Variants in DNAH6 observed in about 807,000 individuals in gnomAD.
DNAH6 encodes the protein dynein axonemal heavy chain 6.
Under a neutral mutation model 491.4 loss-of-function variants are expected in DNAH6, and 340 were observed. The observed-to-expected ratio is 0.69, with a 90% CI of 0.63 to 0.76. The LOEUF is 0.76. Ranked by LOEUF, DNAH6 falls within the 30% of genes least tolerant of loss-of-function variation. The pLI is 0.00. For synonymous variants in DNAH6, 1,603 were observed against 1,686.1 expected, an observed-to-expected ratio of 0.95 and a Z score of 1.21; for missense variants, 4,443 against 4,972.2, an observed-to-expected ratio of 0.89 and a Z score of 3.20.
intron 11 of DNAH6, among the ~76,000 whole-genome samples, chr2:84,566,314 TG>T (rs1681188440): frequency 6.6e-6 from 1 of 152,002 alleles, no homozygotes; most frequent in African/African-American, 2.4e-5. Context: ...TCTAGAATAT[TG>T]AAAATGCCTG....
chr2:84,784,456 G>A (rs1255680464), intron 65 of DNAH6, among the ~76,000 whole-genome samples: 4 of 152,144 alleles, frequency 2.6e-5, no homozygotes, highest in Non-Finnish European at 5.9e-5. Context: ...AGTTCAGCAA[G>A]TATTAAAAAT....
intron 2 of DNAH6, among the ~76,000 whole-genome samples, chr2:84,519,954 T>G (rs542470300): frequency 6.6e-6 from 1 of 152,186 alleles, no homozygotes; most frequent in African/African-American, 2.4e-5. Context: ...TACAATACTC[T>G]CCATCTAGCT....
At chr2:84,508,275 T>G in the DNAH6 span, among the ~76,000 whole-genome samples, 1 of 152,232 alleles carries the variant, frequency 6.6e-6, no homozygotes, top group Non-Finnish European at 1.5e-5. Context: ...GAGATTCAAC[T>G]TCCTCCAGGT....
chr2:84,723,640 A>G (rs1698379371), intron 60 of DNAH6, among the ~76,000 whole-genome samples: 1 of 152,186 alleles, frequency 6.6e-6, no homozygotes, highest in Non-Finnish European at 1.5e-5. Context: ...CAAACCTTTT[A>G]TGCAACAACC....
chr2:84,574,037 G>A (rs1038689281), intron 12 of DNAH6, among the ~76,000 whole-genome samples: 6 of 152,138 alleles, frequency 3.9e-5, no homozygotes, highest in African/African-American at 1.4e-4. Context: ...TAAGACCTAG[G>A]AGAAAACTGT....
intron 22 of DNAH6, among the ~76,000 whole-genome samples, chr2:84,615,675 A>T (rs898830717): frequency 6.6e-6 from 1 of 151,922 alleles, no homozygotes; most frequent in Non-Finnish European, 1.5e-5. Context: ...TGAACATAGG[A>T]TGTGTTTCCA....
intron 38 of DNAH6, among the ~76,000 whole-genome samples, chr2:84,670,120 T>G (rs1346407334): frequency 6.6e-6 from 1 of 152,230 alleles, no homozygotes; most frequent in Non-Finnish European, 1.5e-5. Context: ...AAATTAAAAC[T>G]TTTTGCTAAG....
rs376004002 is a variant in DNAH6 at position 84,548,417 on chromosome 2, G to C, written c.1316G>C (p.Cys439Ser). Reference sequence around the variant, plus strand: ...AGGCATTATTGCATGAGGCTGACGTGGTAAGATTATTCTCATTTTCAAGAA... The same window carrying C: ...AGGCATTATTGCATGAGGCTGACGTCGTAAGATTATTCTCATTTTCAAGAA... ...SKRHYCMRLT[C>S]FIRLNDYLIE... The change falls in exon 8 of 77, where the codon TGC (cysteine) becomes TCC (serine). Residue 439 changes from cysteine (C) to serine (S), a missense_variant and splice_region_variant. Cys to Ser is a moderately radical substitution (Grantham distance 112). Coordinates refer to ENST00000389394, the MANE Select transcript of DNAH6 (RefSeq NM_001370.2). 33 of 1,613,032 alleles carry C rather than the reference G, an allele frequency of 2.0e-5. No homozygotes were observed. The highest frequency in any genetic ancestry group is 2.7e-5 in the Non-Finnish European group (32 of 1,179,810).
Position 84,745,992 on chromosome 2 carries a change from G to A in DNAH6, c.10512+743G>A, listed in dbSNP as rs146768395. 6.6e-5 allele frequency among the ~76,000 whole-genome samples: 10 copies of A among 152,228 alleles called. No individual in the cohort carries two copies. In the East Asian group the frequency reaches 1.9e-3, roughly 29 times the overall value. ...TAGTAGATTAGAGAGATGAAGGGGG[G>A]CATGGAGATGAGGCAACTGATATGG... On this transcript the variant is annotated intron_variant, in intron 63 of 76. Coordinates refer to ENST00000389394, the MANE Select transcript of DNAH6 (RefSeq NM_001370.2).
chr2:84,725,353 G>T (rs1174741378), intron 60 of DNAH6, among the ~76,000 whole-genome samples: 1 of 152,170 alleles, frequency 6.6e-6, no homozygotes, highest in Non-Finnish European at 1.5e-5. Context: ...AAGTTGTTTA[G>T]ATAGGCCTGG....
chr2:84,461,287 T>C, the DNAH6 span, among the ~76,000 whole-genome samples: 1 of 152,248 alleles, frequency 6.6e-6, no homozygotes, highest in Non-Finnish European at 1.5e-5. Flanking sequence ...GGTCTGATGA[T>C]AATTTCCAGG....
At chr2:84,594,309 G>A (rs934796454) in intron 17 of DNAH6, among the ~76,000 whole-genome samples, 10 of 152,242 alleles carry the variant, frequency 6.6e-5, no homozygotes, top group African/African-American at 1.9e-4. Context: ...GCTACATAGT[G>A]GAAGCATCAA....
intron 62 of DNAH6, among the ~76,000 whole-genome samples, chr2:84,736,938 C>G (rs969559820): frequency 1.3e-5 from 2 of 152,058 alleles, no homozygotes; most frequent in African/African-American, 4.8e-5. Context: ...CAGCTATTGT[C>G]CTTTCAGTAT....
At chr2:84,617,939 C>T (rs1052959000) in intron 23 of DNAH6, among the ~76,000 whole-genome samples, 9 of 152,020 alleles carry the variant, frequency 5.9e-5, no homozygotes, top group Non-Finnish European at 1.2e-4. Context: ...ACTTTCATAC[C>T]CTCAAGTGAG....
In DNAH6 at chr2:84,671,642, C is replaced by T. The variant is rs554105684; in HGVS notation, c.6455-685C>T. On this transcript the variant is annotated intron_variant, in intron 39 of 76. Coordinates refer to ENST00000389394, the MANE Select transcript of DNAH6 (RefSeq NM_001370.2). ...AGGTTTATCTTAGACCCCTTCCTTACCCCCCACCCCTTCCTGCTGCTTGGC... is the reference window on the plus strand; with the variant it reads ...AGGTTTATCTTAGACCCCTTCCTTATCCCCCACCCCTTCCTGCTGCTTGGC... Among the ~76,000 whole-genome samples the T allele has an allele frequency of 7.2e-5, 11 of 152,278 alleles. No homozygotes were observed. The East Asian group carries it at 1.2e-3, about 16-fold the overall frequency.
rs1315659977 is a variant in DNAH6, at chr2:84,681,353, C to T, written c.6745-4C>T. Reference sequence around the variant, plus strand: ...ATCCTCTCATATTATGTTTCTGGTTCTAGGCCATCTTAAATGGTTTCCTGA... The same window carrying T: ...ATCCTCTCATATTATGTTTCTGGTTTTAGGCCATCTTAAATGGTTTCCTGA... On this transcript the variant is annotated splice_region_variant and splice_polypyrimidine_tract_variant and intron_variant, in intron 41 of 76. Transcript: ENST00000389394. 5.9e-6 allele frequency: 9 copies of T among 1,536,540 alleles called. 1 individual carries two copies. In the South Asian group the frequency reaches 1.1e-4, roughly 19 times the overall value.
At chr2:84,732,156 G>A (rs1390745722) in intron 61 of DNAH6, among the ~76,000 whole-genome samples, 1 of 152,128 alleles carries the variant, frequency 6.6e-6, no homozygotes, top group Admixed American at 6.5e-5. Flanking sequence ...GTGACAATAA[G>A]AAACCTTTGG....
At chr2:84,570,986 G>T (rs548825624) in intron 11 of DNAH6, among the ~76,000 whole-genome samples, 1 of 152,240 alleles carries the variant, frequency 6.6e-6, no homozygotes, top group African/African-American at 2.4e-5. Context: ...AACACTCACC[G>T]TGAGAGTCCG....
chr2:84,607,300 A>T (rs756268458), intron 21 of DNAH6, among the ~76,000 whole-genome samples: 7 of 152,202 alleles, frequency 4.6e-5, no homozygotes, highest in Non-Finnish European at 7.3e-5. Context: ...TGCTATTACC[A>T]TCACCCTTGC....
Sources: allele counts gnomAD v4.1 joint callset (sites outside exome capture counted in the v4.1 genomes callset), GRCh38; gene constraint gnomAD v4.1.1; transcripts MANE v1.5; gene names NCBI Gene and HGNC (gene_info 2026-07-23, HGNC 2026-07-21).